LIMCH1: variants seen among roughly 807,000 people sequenced by gnomAD.
LIMCH1 encodes the protein LIM and calponin homology domains 1.
A neutral mutation model predicts 176.5 loss-of-function variants in LIMCH1; 113 were observed. The observed-to-expected ratio is 0.64, with a 90% CI of 0.55 to 0.75. The LOEUF (loss-of-function observed/expected upper bound fraction) is 0.75. Among genes scored for constraint, LIMCH1 ranks in the 30% least tolerant of loss-of-function variants. The probability of loss-of-function intolerance (pLI) is 0.00; values close to 1 mark genes in which losing one functional copy is unlikely to be tolerated. For synonymous variants in LIMCH1, 619 were observed against 645.9 expected, an observed-to-expected ratio of 0.96 and a Z score of 0.63; for missense variants, 1,674 against 1,814.9, an observed-to-expected ratio of 0.92 and a Z score of 1.41.
At chr4:41,454,860 T>A (rs1582467676) in intron 1 of LIMCH1, among the ~76,000 whole-genome samples, 1 of 152,098 alleles carries the variant, frequency 6.6e-6, no homozygotes, top group Non-Finnish European at 1.5e-5. Flanking sequence ...AATCCTGACC[T>A]TCTCTGATTC....
At chr4:41,445,917 C>A (rs955393357) in intron 1 of LIMCH1, among the ~76,000 whole-genome samples, 1 of 152,162 alleles carries the variant, frequency 6.6e-6, no homozygotes, top group Non-Finnish European at 1.5e-5. Context: ...AAATATATAT[C>A]AACTTAAAGT....
At chr4:41,413,235 TTA>T (rs2059641654) in intron 1 of LIMCH1, among the ~76,000 whole-genome samples, 1 of 151,828 alleles carries the variant, frequency 6.6e-6, no homozygotes, top group Non-Finnish European at 1.5e-5. Flanking sequence ...TTTTTTTTTT[TTA>T]AATATCAGTT....
intron 2 of LIMCH1, among the ~76,000 whole-genome samples, chr4:41,513,459 A>T (rs907445975): frequency 4.6e-5 from 7 of 152,084 alleles, no homozygotes; most frequent in African/African-American, 1.7e-4. Context: ...TCCTTGCCCC[A>T]TTTGTGTATC....
At chr4:41,636,274 C>T (rs569621140) in intron 13 of LIMCH1, among the ~76,000 whole-genome samples, 42 of 148,104 alleles carry the variant, frequency 2.8e-4, no homozygotes, top group African/African-American at 3.7e-4. Flanking sequence ...CTGTGACCTG[C>T]GTGGCCAATT....
chr4:41,621,725 G>T (rs2092595798), intron 7 of LIMCH1, among the ~76,000 whole-genome samples: 1 of 151,520 alleles, frequency 6.6e-6, no homozygotes, highest in Admixed American at 6.6e-5. Context: ...TAGTCTAAGA[G>T]GTGGCTGATA....
intron 14 of LIMCH1, among the ~76,000 whole-genome samples, chr4:41,643,313 A>G (rs1585232375): frequency 6.6e-6 from 1 of 151,744 alleles, no homozygotes; most frequent in South Asian, 2.1e-4. Context: ...GTCTAAGTGC[A>G]TGGTAGTTTT....
intron 2 of LIMCH1, among the ~76,000 whole-genome samples, chr4:41,498,995 A>C (rs1016871703): frequency 5.9e-5 from 9 of 152,150 alleles, no homozygotes; most frequent in Non-Finnish European, 1.3e-4. Flanking sequence ...AGTGTTTACT[A>C]TCTGGTCCTT....
At chr4:41,696,182 CA>C (rs1355045486) in intron 31 of LIMCH1, among the ~76,000 whole-genome samples, 1 of 152,112 alleles carries the variant, frequency 6.6e-6, no homozygotes, top group East Asian at 1.9e-4. Context: ...GCAATGTAAA[CA>C]GTTTTTAAGT....
rs534510374 is a variant in LIMCH1 at position 41,400,642 on chromosome 4, G to A, written c.96+39706G>A. ...ATGATTATTATGCGGTAATGCCAAG[G>A]GCTGTAGAATAGAATTTAAACATTA... On this transcript the variant is annotated intron_variant, in intron 1 of 26. Coordinates refer to the LIMCH1 transcript ENST00000313860. Among the ~76,000 whole-genome samples the A allele has an allele frequency of 8.3e-4, 127 of 152,112 alleles. 1 individual carries two copies. Among genetic ancestry groups the A allele is most frequent in the Non-Finnish European group, 1.6e-3 (106 of 68,010 alleles).
At chr4:41,412,819 T>A (rs905342185) in intron 1 of LIMCH1, among the ~76,000 whole-genome samples, 1 of 152,120 alleles carries the variant, frequency 6.6e-6, no homozygotes, top group African/African-American at 2.4e-5. Context: ...GGATCCACCA[T>A]GTCAAGAGAA....
intron 2 of LIMCH1, among the ~76,000 whole-genome samples, chr4:41,524,139 GTCCTTT>G (rs1309174546): frequency 1.3e-5 from 2 of 152,108 alleles, no homozygotes; most frequent in Non-Finnish European, 2.9e-5. Flanking sequence ...TCTCCCCCTT[GTCCTTT>G]TCCTTGAAGC....
intron 1 of LIMCH1, chr4:41,389,414 A>T: frequency 5.1e-6 from 1 of 194,872 alleles, no homozygotes; most frequent in African/African-American, 2.3e-5. Flanking sequence ...ATCACTTTTG[A>T]TGAGATTGTC....
At chr4:41,572,333 A>G (rs565037812) in intron 1 of LIMCH1, among the ~76,000 whole-genome samples, 2 of 152,290 alleles carry the variant, frequency 1.3e-5, no homozygotes, top group East Asian at 3.9e-4. Flanking sequence ...TTGGCAATAC[A>G]TTGGATTTAG....
chr4:41,399,501 T>C (rs2058147678), intron 1 of LIMCH1, among the ~76,000 whole-genome samples: 1 of 152,140 alleles, frequency 6.6e-6, no homozygotes, highest in Non-Finnish European at 1.5e-5. Context: ...CTTACACATG[T>C]AACTGGTCAA....
intron 1 of LIMCH1, among the ~76,000 whole-genome samples, chr4:41,553,570 C>T (rs573198042): frequency 1.3e-5 from 2 of 152,168 alleles, no homozygotes; most frequent in South Asian, 2.1e-4. Flanking sequence ...TGGACTAAGT[C>T]TTGAGAATCC....
chr4:41,669,760 G>A (rs1176906764), intron 21 of LIMCH1, among the ~76,000 whole-genome samples: 1 of 152,142 alleles, frequency 6.6e-6, no homozygotes, highest in African/African-American at 2.4e-5. Context: ...TCTTCAATTG[G>A]GATGGGGAAA....
chr4:41,577,027 G>A (rs975335316), intron 1 of LIMCH1, among the ~76,000 whole-genome samples: 6 of 151,946 alleles, frequency 3.9e-5, no homozygotes, highest in East Asian at 1.9e-4. Context: ...AAGCCCTCAC[G>A]TATGGAGGGC....
intron 15 of LIMCH1, among the ~76,000 whole-genome samples, chr4:41,645,621 G>A (rs1320774475): frequency 2.0e-5 from 3 of 152,142 alleles, no homozygotes; most frequent in African/African-American, 7.2e-5. Context: ...GTAGGATTGT[G>A]GTGAGGTTGT....
At chr4:41,438,373 T>G (rs2062321407) in intron 1 of LIMCH1, among the ~76,000 whole-genome samples, 2 of 152,010 alleles carry the variant, frequency 1.3e-5, no homozygotes, top group African/African-American at 2.4e-5. Context: ...TTTCTTTTCT[T>G]TTCTTTTTTT....
Sources: gnomAD v4.1 joint callset for allele counts (sites outside exome capture counted in the v4.1 genomes callset) on GRCh38, gnomAD v4.1.1 for gene constraint, MANE v1.5 for transcripts, NCBI Gene and HGNC (gene_info 2026-07-23, HGNC 2026-07-21) for gene names.